ITPR3: variants seen among roughly 807,000 people sequenced by gnomAD.
ITPR3 encodes inositol 1,4,5-trisphosphate receptor type 3.
A neutral mutation model predicts 293.2 loss-of-function variants in ITPR3; 173 were observed. The ratio of observed to expected loss-of-function variants is 0.59; its 90% CI spans 0.52 to 0.67. The LOEUF is 0.67. ITPR3 is among the 30% of genes least tolerant of loss of function. ITPR3 has a pLI of 0.00. For synonymous variants in ITPR3, 1,295 were observed against 1,444.4 expected (o/e 0.90, Z 2.35); for missense variants, 2,796 against 3,592.1 (o/e 0.78, Z 5.66).
Position 33,658,621 on chromosome 6 carries a change from G to T in ITPR3, c.370-49G>T, listed in dbSNP as rs771023240. On this transcript the variant is annotated intron_variant, in intron 4 of 57. Coordinates refer to ENST00000605930, the MANE Select transcript of ITPR3 (RefSeq NM_002224.4). This position sits in a 1 kb window ranked among gnomAD's most constrained non-coding sequence, Gnocchi z 6.1. The stretch of plus-strand genomic sequence containing the variant: ...TCCCCCCATATCCCCTCCCTAATGG[G>T]CCGACTCCTGTGGCGCGGTGACCTT... The T allele has an allele frequency of 6.2e-7, 1 of 1,603,006 alleles. No homozygotes were observed. Among genetic ancestry groups the T allele is most frequent in the East Asian group, 2.2e-5 (1 of 44,704 alleles).
At position 33,687,593 on chromosome 6, in the gene ITPR3, G is replaced by GGGTA; in HGVS notation, c.6264+32_6264+33insAGGT. 6.6e-7 allele frequency: 1 copy of GGGTA among 1,522,638 alleles called. No individual in the cohort carries two copies. Among genetic ancestry groups the GGGTA allele is most frequent in the Non-Finnish European group, 9.0e-7 (1 of 1,117,308 alleles). The allele number at this position is 1,522,638 out of a possible 1,614,324, so 94.3% of individuals were successfully genotyped here. On this transcript the variant is annotated intron_variant, in intron 46 of 57. Transcript: ENST00000605930. The surrounding 1 kb of genome is among the most constrained non-coding windows in gnomAD (Gnocchi z 5.3). ...GGTGCTGGCCCCGAGACTGGGGTGG[G>GGGTA]GGTGGGGCCTGGAACCCAGGGAGGA...
chr6:33,673,504 C>T (rs1561871031), intron 22 of ITPR3, 87 bp from the exon 23 acceptor site: 6 of 1,547,792 alleles, frequency 3.9e-6, no homozygotes, highest in East Asian at 2.3e-5. Flanking sequence ...GGCTCCCTGC[C>T]CCCTGCCCCC....
Position 33,692,732 on chromosome 6 carries a change from C to T in ITPR3, c.7463C>T (p.Ser2488Phe). ...TCCCTGCCTCATCCCCTGCAGGAGT[C>T]TCTCTTCCCAGCCCGAGTGGTCTAT... ...DILRKPSKDE[S>F]LFPARVVYDL... The change falls in exon 55 of 58, where the codon TCT becomes TTT. Residue 2488 changes from serine to phenylalanine, a missense_variant. Physicochemically the swap from Ser to Phe is radical, Grantham distance 155. Around this residue, in one of 8 missense-constraint regions of ITPR3, gnomAD observed 568 missense variants for 796.1 expected, o/e 0.71. Transcript: ENST00000605930. The surrounding 1 kb of genome is among the most constrained non-coding windows in gnomAD (Gnocchi z 4.2). The T allele has an allele frequency of 6.2e-7, 1 of 1,614,000 alleles. No individual in the cohort carries two copies. The highest frequency in any genetic ancestry group is 1.3e-5 in the African/African-American group (1 of 75,010).
intron 43 of ITPR3, 31 bp from the exon 44 acceptor site, chr6:33,686,976 CTG>C (rs1765248373): frequency 6.4e-7 from 1 of 1,551,350 alleles, no homozygotes; most frequent in Non-Finnish European, 8.9e-7. Context: ...TGTCCTGAGA[CTG>C]TGGCCTGCCT....
At chr6:33,628,721 G>T (rs1763603688) in intron 1 of ITPR3, among the ~76,000 whole-genome samples, 1 of 152,144 alleles carries the variant, frequency 6.6e-6, no homozygotes, top group South Asian at 2.1e-4. Flanking sequence ...TGGCCAGAGT[G>T]CTATGTTTTT....
intron 22 of ITPR3, 105 bp from the exon 23 acceptor site, chr6:33,673,486 T>G: frequency 1.4e-6 from 2 of 1,444,496 alleles, no homozygotes; most frequent in Non-Finnish European, 1.9e-6. Context: ...TGCTAGAGCC[T>G]ATTTGGGGGC....
rs1764567763 is a variant in ITPR3 at position 33,664,872 on chromosome 6, A to T, written c.1151A>T (p.Asn384Ile). ...CTTTCCCTCCCACCCACCTGCAGGA[A>T]CTCGTACGTCCGGCTGCGGCACCTC... ...LQKTDSFVPR[N>I]SYVRLRHLCT... Residue 384 changes from asparagine to isoleucine, a missense_variant and splice_region_variant, in exon 12 of 58, where the codon AAC (asparagine) becomes ATC (isoleucine). Asn to Ile is a moderately radical substitution (Grantham distance 149). Transcript: ENST00000605930. The surrounding 1 kb of genome is among the most constrained non-coding windows in gnomAD (Gnocchi z 4.4). The T allele has an allele frequency of 6.2e-7, 1 of 1,612,912 alleles. No individual in the cohort carries two copies. The highest frequency in any genetic ancestry group is 1.1e-5 in the South Asian group (1 of 91,040).
chr6:33,695,620 G>T (rs1765522972), intron 57 of ITPR3, 92 bp from the exon 58 acceptor site: 1 of 1,305,936 alleles, frequency 7.7e-7, no homozygotes, highest in African/African-American at 1.5e-5. Context: ...TGGGCCCACA[G>T]GGGAAGACGG....
chr6:33,669,892 G>C (rs1764710900), intron 18 of ITPR3, among the ~76,000 whole-genome samples: 1 of 152,134 alleles, frequency 6.6e-6, no homozygotes, highest in Non-Finnish European at 1.5e-5. Context: ...CAGAGGGCCT[G>C]GTATTGCCAG....
At chr6:33,636,411 G>T (rs1763825272) in intron 1 of ITPR3, among the ~76,000 whole-genome samples, 1 of 152,158 alleles carries the variant, frequency 6.6e-6, no homozygotes, top group South Asian at 2.1e-4. Flanking sequence ...TGAAATCCAG[G>T]TGAGAGCTGG....
rs768101516 is a variant in ITPR3 at position 33,677,564 on chromosome 6, C to T, written c.3583C>T (p.Arg1195Trp). 9.9e-6 allele frequency: 16 copies of T among 1,614,012 alleles called. No individual in the cohort carries two copies. Among genetic ancestry groups the T allele is most frequent in the Middle Eastern group, 1.7e-4 (1 of 6,058 alleles). Reference sequence around the variant, plus strand: ...GGAGCAAATGAGGAAGAAGCAGCAACGGCTGCTGAAGAACATGGATGCCCA... The same window carrying T: ...GGAGCAAATGAGGAAGAAGCAGCAATGGCTGCTGAAGAACATGGATGCCCA... ...VGEQMRKKQQRLLKNMDAHKV... is the reference protein window; with the variant it reads ...VGEQMRKKQQWLLKNMDAHKV... The change falls in exon 28 of 58, where the codon CGG (arginine) becomes TGG (tryptophan). Residue 1195 changes from arginine (R) to tryptophan (W), a missense_variant. This residue lies in a region of ITPR3 where 344 missense variants were observed against 460.3 expected (regional missense o/e 0.75). Transcript: ENST00000605930.
intron 56 of ITPR3, among the ~76,000 whole-genome samples, chr6:33,694,125 G>T (rs1765471498): frequency 6.6e-6 from 1 of 152,170 alleles, no homozygotes; most frequent in Non-Finnish European, 1.5e-5. Flanking sequence ...CTCAGGGAGT[G>T]TTTTCTAGCT....
intron 56 of ITPR3, 144 bp downstream of exon 56, chr6:33,693,849 A>C (rs1312846862): frequency 5.2e-6 from 5 of 958,856 alleles, no homozygotes; most frequent in Admixed American, 5.3e-5. Flanking sequence ...TGGCCCTAGG[A>C]GGCCAGGCAG....
In ITPR3 at chr6:33,691,266, C is replaced by T. The variant is rs1295842485; in HGVS notation, c.7225+157C>T. Among the ~76,000 whole-genome samples, 32 of 152,328 alleles carry T rather than the reference C, an allele frequency of 2.1e-4. 1 individual carries two copies. Among genetic ancestry groups the T allele is most frequent in the African/African-American group, 7.5e-4 (31 of 41,560 alleles). On this transcript the variant is annotated intron_variant, in intron 52 of 57. Transcript: ENST00000605930. This position sits in a 1 kb window ranked among gnomAD's most constrained non-coding sequence, Gnocchi z 4.9. ...GGACGTCTAGCTAACACCAGTCTGC[C>T]TCGCTCTTTTCTGGAACACACTGAG...
Position 33,662,943 on chromosome 6 carries a change from T to C in ITPR3, c.891T>C (p.Ala297=). Reference sequence around the variant, plus strand: ...ACCACGACCCCTGCCGTGGAGGAGCTGGGCACTGGAATGGCTTGTACCGCT... The same window carrying C: ...ACCACGACCCCTGCCGTGGAGGAGCCGGGCACTGGAATGGCTTGTACCGCT... The part of the protein sequence containing the change: ...VVHHDPCRGG[A]GHWNGLYRFK... Residue 297 remains alanine, a synonymous_variant, in exon 9 of 58, where the codon GCT becomes GCC. Transcript: ENST00000605930. 6.2e-7 allele frequency: 1 copy of C among 1,605,052 alleles called. No individual in the cohort carries two copies. The highest frequency in any genetic ancestry group is 8.5e-7 in the Non-Finnish European group (1 of 1,175,374).
Position 33,640,490 on chromosome 6 carries a change from G to A in ITPR3, c.96G>A (p.Val32=). 1 of 1,613,456 alleles carries A rather than the reference G, an allele frequency of 6.2e-7. No individual in the cohort carries two copies. Among genetic ancestry groups the A allele is most frequent in the Non-Finnish European group, 8.5e-7 (1 of 1,179,692 alleles). Residue 32 remains valine (V), a synonymous_variant, in exon 2 of 58, where the codon GTG becomes GTA. Transcript: ENST00000605930. ...GAGCTGCTTTGTTCCCCAGGCTGGT[G>A]GATGACCGCTGTGTGGTGGAGCCCG... ...VNGFISTLGL[V]DDRCVVEPAA...
At chr6:33,635,630 C>G (rs1461539116) in intron 1 of ITPR3, among the ~76,000 whole-genome samples, 1 of 152,142 alleles carries the variant, frequency 6.6e-6, no homozygotes, top group Non-Finnish European at 1.5e-5. Flanking sequence ...GAGGTGCATA[C>G]TGAGTGTGGC....
intron 1 of ITPR3, among the ~76,000 whole-genome samples, chr6:33,637,772 A>T (rs1196506281): frequency 6.8e-6 from 1 of 147,658 alleles, no homozygotes; most frequent in African/African-American, 2.5e-5. Context: ...GGGTTACAAG[A>T]GTGCGTGTGC....
rs1190591541 is a variant in ITPR3, at chr6:33,691,694, GC to G, written c.7306del (p.Leu2436SerfsTer24). On this transcript the variant is annotated frameshift_variant, in exon 53 of 58. Coordinates refer to ENST00000605930, the MANE Select transcript of ITPR3 (RefSeq NM_002224.4). LOFTEE classifies it high-confidence loss of function. This position sits in a 1 kb window ranked among gnomAD's most constrained non-coding sequence, Gnocchi z 4.9. ...SGDKMDCVSGLSVPEVLEEDR... is the reference protein window; with the variant it reads ...SGDKMDCVSGXSVPEVLEEDR... ...GGGACAAGATGGACTGTGTCTCAGG[GC>G]TCTCGGTGCCTGAGGTCCTGGAAGG... The G allele has an allele frequency of 6.2e-6, 10 of 1,613,942 alleles. No homozygotes were observed. Among genetic ancestry groups the G allele is most frequent in the African/African-American group, 1.3e-5 (1 of 74,904 alleles).
Sources: gnomAD v4.1 joint callset for allele counts (sites outside exome capture counted in the v4.1 genomes callset) on GRCh38, gnomAD v4.1.1 for gene constraint, gnomAD v4.1.1 regional missense constraint, Gnocchi (gnomAD v3.1) non-coding constraint, MANE v1.5 for transcripts, NCBI Gene and HGNC (gene_info 2026-07-23, HGNC 2026-07-21) for gene names.